DNER: variants seen among roughly 807,000 people sequenced by gnomAD.
DNER encodes delta/notch like EGF repeat containing.
DNER carries 33 observed loss-of-function variants against 78.2 expected under a neutral mutation model. The ratio of observed to expected loss-of-function variants is 0.42; its 90% CI spans 0.32 to 0.56. The LOEUF (loss-of-function observed/expected upper bound fraction) is 0.56. Ranked by LOEUF, DNER falls within the 20% of genes least tolerant of loss-of-function variation. DNER has a pLI of 0.11. For missense variants in DNER, 918 were observed against 975.3 expected (o/e 0.94, Z 0.78); for synonymous variants, 417 against 384.8 (o/e 1.08, Z -0.98).
intron 7 of DNER, among the ~76,000 whole-genome samples, chr2:229,453,115 C>T (rs762881977): frequency 2.2e-4 from 33 of 152,204 alleles, no homozygotes; most frequent in Non-Finnish European, 4.1e-4. Flanking sequence ...ATCACTCTGA[C>T]TTTCTGCTTT....
chr2:229,608,813 T>G (rs781764160), intron 1 of DNER, among the ~76,000 whole-genome samples: 1 of 152,186 alleles, frequency 6.6e-6, no homozygotes, highest in Admixed American at 6.5e-5. Context: ...TTTTTAATAA[T>G]TGGAAACCAA....
At chr2:229,656,907 A>G (rs1698921866) in intron 1 of DNER, among the ~76,000 whole-genome samples, 2 of 152,126 alleles carry the variant, frequency 1.3e-5, no homozygotes, top group Non-Finnish European at 2.9e-5. Context: ...ATACGACATA[A>G]TGACTTAATA....
intron 1 of DNER, among the ~76,000 whole-genome samples, chr2:229,633,033 T>A (rs1698456273): frequency 1.3e-5 from 2 of 152,236 alleles, no homozygotes; most frequent in Admixed American, 1.3e-4. Flanking sequence ...TTACCTATGA[T>A]GTTGTAAATT....
At chr2:229,372,927 C>T (rs1186112076) in intron 11 of DNER, among the ~76,000 whole-genome samples, 11 of 151,948 alleles carry the variant, frequency 7.2e-5, no homozygotes, top group Admixed American at 6.6e-4. Context: ...TGGCTTTTAT[C>T]GTTGGATGGA....
intron 4 of DNER, among the ~76,000 whole-genome samples, chr2:229,550,725 A>C (rs1696718720): frequency 6.6e-6 from 1 of 152,178 alleles, no homozygotes; most frequent in African/African-American, 2.4e-5. Context: ...CAGTGAGCCG[A>C]GATTGCACCA....
intron 6 of DNER, among the ~76,000 whole-genome samples, chr2:229,482,217 T>G (rs916756276): frequency 3.9e-5 from 6 of 152,168 alleles, no homozygotes; most frequent in African/African-American, 2.4e-5. Flanking sequence ...CACAACCACA[T>G]AATACCTTTC....
At chr2:229,488,048 G>A (rs1027361387) in intron 6 of DNER, among the ~76,000 whole-genome samples, 2 of 152,210 alleles carry the variant, frequency 1.3e-5, no homozygotes, top group African/African-American at 2.4e-5. Flanking sequence ...ACCACTCACC[G>A]CCATTTCAGG....
chr2:229,525,528 A>G (rs968292082), intron 5 of DNER, among the ~76,000 whole-genome samples: 2 of 151,206 alleles, frequency 1.3e-5, no homozygotes, highest in African/African-American at 4.9e-5. Flanking sequence ...GAAGTTAACT[A>G]AAAAAAAAGT....
chr2:229,418,027 A>G (rs1201661862), intron 9 of DNER, 81 bp downstream of exon 9: 10 of 1,599,938 alleles, frequency 6.3e-6, no homozygotes, highest in Non-Finnish European at 8.5e-6. Context: ...TGGTCCAATT[A>G]GAGGTTTATG....
intron 1 of DNER, among the ~76,000 whole-genome samples, chr2:229,709,082 T>A (rs1699871632): frequency 1.3e-5 from 2 of 152,206 alleles, no homozygotes; most frequent in South Asian, 4.1e-4. Context: ...AAAAGCTGTG[T>A]CTGTTCATTG....
At chr2:229,582,786 C>T (rs1392036295) in intron 4 of DNER, among the ~76,000 whole-genome samples, 1 of 151,986 alleles carries the variant, frequency 6.6e-6, no homozygotes, top group East Asian at 1.9e-4. Context: ...ACTACAAGTG[C>T]CCATCACCAC....
intron 1 of DNER, among the ~76,000 whole-genome samples, chr2:229,622,148 C>A (rs1698261716): frequency 6.6e-6 from 1 of 152,168 alleles, no homozygotes. Context: ...CTCTCTATAC[C>A]TGACCTCTTT....
chr2:229,433,871 G>A (rs17580751), intron 8 of DNER, among the ~76,000 whole-genome samples: 1,738 of 152,098 alleles, frequency 0.011, 12 homozygotes, highest in Non-Finnish European at 0.019. Flanking sequence ...TTATCTTGCC[G>A]AAAATTTGCT....
At chr2:229,360,756 G>T (rs146710388) in intron 12 of DNER, among the ~76,000 whole-genome samples, 3 of 152,292 alleles carry the variant, frequency 2.0e-5, no homozygotes, top group Non-Finnish European at 4.4e-5. Context: ...TGAGCCACAT[G>T]GCCACCTATG....
intron 1 of DNER, among the ~76,000 whole-genome samples, chr2:229,682,600 C>A (rs1343065247): frequency 1.3e-5 from 2 of 152,212 alleles, no homozygotes; most frequent in Non-Finnish European, 2.9e-5. Flanking sequence ...GTAATCCCAG[C>A]ACTTTGGGAG....
intron 8 of DNER, among the ~76,000 whole-genome samples, chr2:229,425,849 A>G (rs952520545): frequency 2.0e-5 from 3 of 152,272 alleles, no homozygotes; most frequent in African/African-American, 7.2e-5. Context: ...TTCGAAGACC[A>G]TGGTGCTGTG....
chr2:229,665,762 T>C (rs926982026), intron 1 of DNER, among the ~76,000 whole-genome samples: 1 of 152,192 alleles, frequency 6.6e-6, no homozygotes, highest in African/African-American at 2.4e-5. Flanking sequence ...TGGGACCATC[T>C]TTGCATAGGG....
intron 5 of DNER, among the ~76,000 whole-genome samples, chr2:229,546,216 A>C (rs1416791445): frequency 6.6e-6 from 1 of 152,168 alleles, no homozygotes; most frequent in Non-Finnish European, 1.5e-5. Context: ...ACTCTTGCTA[A>C]TGTATACAGT....
intron 9 of DNER, among the ~76,000 whole-genome samples, chr2:229,416,779 A>C (rs1159662409): frequency 1.3e-5 from 2 of 152,174 alleles, no homozygotes; most frequent in African/African-American, 4.8e-5. Context: ...CCAAATCTTC[A>C]GATGACCCCA....
Sources: allele counts gnomAD v4.1 joint callset (sites outside exome capture counted in the v4.1 genomes callset), GRCh38; gene constraint gnomAD v4.1.1; transcripts MANE v1.5; gene names NCBI Gene and HGNC (gene_info 2026-07-23, HGNC 2026-07-21).